The following COL27A1 variants were observed in gnomAD, a reference collection of about 807,000 sequenced individuals.
COL27A1 encodes collagen type XXVII alpha 1 chain, also known as collagen alpha-1(XXVII) chain.
In COL27A1, 106 loss-of-function variants were observed where a neutral mutation model predicts 251.3. That is an observed-to-expected ratio of 0.42 (90% CI 0.36 to 0.50). The LOEUF is 0.50. COL27A1 is among the 20% of genes least tolerant of loss of function. The pLI is 0.00. For missense variants in COL27A1, 2,325 were observed against 2,522.8 expected, an observed-to-expected ratio of 0.92 and a Z score of 1.68; for synonymous variants, 1,000 against 986.3, an observed-to-expected ratio of 1.01 and a Z score of -0.26.
At chr9:114,169,576 C>T in intron 3 of COL27A1, 113 bp downstream of exon 3, 1 of 848,408 alleles carries the variant, frequency 1.2e-6, no homozygotes, top group Non-Finnish European at 1.8e-6. Context: ...GAGCAGGGAG[C>T]TGGTTATGGG....
Position 114,290,150 on chromosome 9 carries a change from G to GCCCCCCCCCCCCCCCCCCC in COL27A1, c.4260+42_4260+43insCCCCCCCCCCCCCCCCCCC. The GCCCCCCCCCCCCCCCCCCC allele has an allele frequency of 1.9e-6, 3 of 1,593,540 alleles. No homozygotes were observed. The highest frequency in any genetic ancestry group is 2.6e-6 in the Non-Finnish European group (3 of 1,165,408). ...GCTGCTGTTTCCAGCCAACCTCCCT[G>GCCCCCCCCCCCCCCCCCCC]CCCGCCCCCCACACCCGCCCTCCTC... On this transcript the variant is annotated intron_variant, in intron 46 of 60. Transcript: ENST00000356083. This position sits in a 1 kb window ranked among gnomAD's most constrained non-coding sequence, Gnocchi z 4.6.
intron 24 of COL27A1, among the ~76,000 whole-genome samples, chr9:114,246,801 C>G (rs1471739629): frequency 6.6e-6 from 1 of 151,746 alleles, no homozygotes; most frequent in East Asian, 1.9e-4. Flanking sequence ...CAGTGTCATT[C>G]GAGCGCATTC....
rs541551411 is a variant in COL27A1, at chr9:114,157,373, C to T, written c.62+1361C>T. On this transcript the variant is annotated intron_variant, in intron 1 of 60. Coordinates refer to ENST00000356083, the MANE Select transcript of COL27A1 (RefSeq NM_032888.4). ...CTCTGCTCTCCAGCATGCCTCTGCTCTCCAGCATGCCTCTGCTCCTGGACC... is the reference window on the plus strand; with the variant it reads ...CTCTGCTCTCCAGCATGCCTCTGCTTTCCAGCATGCCTCTGCTCCTGGACC... Among the ~76,000 whole-genome samples the T allele has an allele frequency of 1.5e-4, 23 of 152,356 alleles. No individual in the cohort carries two copies. In the South Asian group the frequency reaches 4.8e-3, roughly 32 times the overall value.
chr9:114,284,614 G>T, intron 40 of COL27A1, 110 bp from the exon 41 acceptor site: 1 of 1,077,950 alleles, frequency 9.3e-7, no homozygotes. Flanking sequence ...CAGCCAGCTG[G>T]GGCAGAGCTG....
At chr9:114,178,599 G>A (rs551332975) in intron 4 of COL27A1, among the ~76,000 whole-genome samples, 25 of 152,292 alleles carry the variant, frequency 1.6e-4, no homozygotes, top group African/African-American at 4.8e-4. Context: ...GCAGCCTGGG[G>A]TGGGGAAGGG....
chr9:114,256,261 G>T (rs1031501271), intron 27 of COL27A1, among the ~76,000 whole-genome samples: 2 of 152,182 alleles, frequency 1.3e-5, no homozygotes, highest in Non-Finnish European at 2.9e-5. Context: ...GGAGGCCGAG[G>T]CTGGCGGATC....
At chr9:114,304,713 G>A in intron 57 of COL27A1, 40 bp downstream of exon 57, 2 of 1,575,512 alleles carry the variant, frequency 1.3e-6, no homozygotes, top group South Asian at 1.1e-5. Flanking sequence ...TCCCTTCCTG[G>A]GAGAAACGCA....
At chr9:114,242,307 C>A in intron 22 of COL27A1, 76 bp downstream of exon 22, 1 of 1,303,230 alleles carries the variant, frequency 7.7e-7, no homozygotes, top group Non-Finnish European at 1.1e-6. Flanking sequence ...CAACATCTGG[C>A]CAGTGCTCCA....
chr9:114,239,168 C>T (rs567891873), intron 19 of COL27A1, among the ~76,000 whole-genome samples: 2 of 152,348 alleles, frequency 1.3e-5, no homozygotes, highest in African/African-American at 4.8e-5. Flanking sequence ...GGAGCTCCAG[C>T]TCTCCAGCAC....
At chr9:114,267,840 A>G (rs184856929) in intron 34 of COL27A1, among the ~76,000 whole-genome samples, 1 of 152,208 alleles carries the variant, frequency 6.6e-6, no homozygotes, top group African/African-American at 2.4e-5. Flanking sequence ...GCTCGGTGCC[A>G]GTGCCCTTCA....
intron 28 of COL27A1, among the ~76,000 whole-genome samples, chr9:114,260,142 G>A (rs772657496): frequency 1.2e-4 from 18 of 152,208 alleles, no homozygotes; most frequent in Admixed American, 2.0e-4. Context: ...CCTCAGGCGC[G>A]GGGCTCAGGC....
chr9:114,174,655 C>T (rs1849557058), intron 3 of COL27A1, among the ~76,000 whole-genome samples: 1 of 152,148 alleles, frequency 6.6e-6, no homozygotes, highest in African/African-American at 2.4e-5. Flanking sequence ...AACCAGCATG[C>T]ATATGCCATC....
chr9:114,180,783 T>C (rs1306948015), intron 4 of COL27A1, among the ~76,000 whole-genome samples: 1 of 152,188 alleles, frequency 6.6e-6, no homozygotes, highest in Non-Finnish European at 1.5e-5. Flanking sequence ...TCTGCTTGGC[T>C]TTCAGTCAAC....
In COL27A1 at chr9:114,231,195, A is replaced by G; in HGVS notation, c.2520+63A>G. On this transcript the variant is annotated intron_variant, in intron 15 of 60. Coordinates refer to ENST00000356083, the MANE Select transcript of COL27A1 (RefSeq NM_032888.4). ...AAGCTGGGCACCCCCGACCCATTTC[A>G]GCCCAGAAGGAAGGGTGACCTTAGA... 4.1e-6 allele frequency: 6 copies of G among 1,477,750 alleles called. No homozygotes were observed. In the South Asian group the frequency reaches 5.8e-5, roughly 14 times the overall value. The allele number at this position is 1,477,750 out of a possible 1,614,324, so 91.5% of individuals were successfully genotyped here.
At position 114,222,196 on chromosome 9, in the gene COL27A1, A is replaced by G. The variant is rs1831159509; in HGVS notation, c.2422-27A>G. The G allele has an allele frequency of 3.7e-6, 6 of 1,610,722 alleles. No individual in the cohort carries two copies. The South Asian group carries it at 5.5e-5, about 15-fold the overall frequency. On this transcript the variant is annotated intron_variant, in intron 13 of 60. Transcript: ENST00000356083. ...GCCCTGGAGGGAGATGGGACAAGTA[A>G]CCACCTTGGTCTCTCTCTATCTGCA...
In COL27A1 at chr9:114,169,392, C is replaced by A; in HGVS notation, c.1837C>A (p.His613Asn). The A allele has an allele frequency of 6.2e-7, 1 of 1,608,210 alleles. No homozygotes were observed. The highest frequency in any genetic ancestry group is 1.1e-5 in the South Asian group (1 of 90,642). Residue 613 changes from histidine (H) to asparagine (N), a missense_variant, in exon 3 of 61, where the codon CAC becomes AAC. Physicochemically the swap from His to Asn is moderately conservative, Grantham distance 68. Around this residue, in one of 4 missense-constraint regions of COL27A1, gnomAD observed 1,183 missense variants for 1,144.1 expected, o/e 1.03. Coordinates refer to ENST00000356083, the MANE Select transcript of COL27A1 (RefSeq NM_032888.4). ...CACGAGCAGTGGCTATTCGATCTTC[C>A]ACCTGGCAGGATCTACGCCTTTCCC... Reference protein sequence around the residue: ...RPTSSGYSIFHLAGSTPFPLL... With the variant: ...RPTSSGYSIFNLAGSTPFPLL...
At chr9:114,175,264 C>A (rs1450684610) in intron 3 of COL27A1, among the ~76,000 whole-genome samples, 3 of 152,242 alleles carry the variant, frequency 2.0e-5, no homozygotes, top group Non-Finnish European at 4.4e-5. Flanking sequence ...AGCTCCAGGC[C>A]CTCTCAGAGG....
chr9:114,301,370 G>C, intron 53 of COL27A1, 51 bp downstream of exon 53: 3 of 1,612,316 alleles, frequency 1.9e-6, no homozygotes, highest in Non-Finnish European at 2.5e-6. Context: ...GGGCGGGGGA[G>C]GGGTGGGCTC....
chr9:114,242,059 T>A, intron 21 of COL27A1, 128 bp from the exon 22 acceptor site: 1 of 756,964 alleles, frequency 1.3e-6, no homozygotes, highest in Non-Finnish European at 2.0e-6. Flanking sequence ...GGGCCAGGCG[T>A]GCTGTTTCCC....
Sources: gnomAD v4.1 joint callset for allele counts (sites outside exome capture counted in the v4.1 genomes callset) on GRCh38, gnomAD v4.1.1 for gene constraint, gnomAD v4.1.1 regional missense constraint, Gnocchi (gnomAD v3.1) non-coding constraint, MANE v1.5 for transcripts, NCBI Gene and HGNC (gene_info 2026-07-23, HGNC 2026-07-21) for gene names.